ASIC2: variants seen among roughly 807,000 people sequenced by gnomAD.
ASIC2 encodes acid-sensing ion channel 2.
In ASIC2, 25 loss-of-function variants were observed where a neutral mutation model predicts 57.3. The observed-to-expected ratio is 0.44, with a 90% CI of 0.32 to 0.61. The LOEUF (loss-of-function observed/expected upper bound fraction) is 0.61. ASIC2 is among the 20% of genes least tolerant of loss of function. The probability of loss-of-function intolerance (pLI) is 0.06; values close to 1 mark genes in which losing one functional copy is unlikely to be tolerated. For synonymous variants in ASIC2, 319 were observed against 307.5 expected, an observed-to-expected ratio of 1.04 and a Z score of -0.39; for missense variants, 641 against 738.1, an observed-to-expected ratio of 0.87 and a Z score of 1.52.
chr17:33,531,769 G>C (rs1915058742), intron 1 of ASIC2, among the ~76,000 whole-genome samples: 1 of 152,038 alleles, frequency 6.6e-6, no homozygotes, highest in Non-Finnish European at 1.5e-5. Context: ...ATCACCTGGG[G>C]GGTGCCCATA....
chr17:33,734,201 C>G (rs34488033), intron 1 of ASIC2, among the ~76,000 whole-genome samples: 10,261 of 151,940 alleles, frequency 0.068, 343 homozygotes, highest in Middle Eastern at 0.086. Flanking sequence ...CCGTGTGAGG[C>G]CAGCCCTTCC....
intron 1 of ASIC2, among the ~76,000 whole-genome samples, chr17:33,954,278 T>A (rs1017260798): frequency 1.3e-5 from 2 of 152,090 alleles, no homozygotes; most frequent in African/African-American, 2.4e-5. Flanking sequence ...TGCAGCAGAA[T>A]GTGGAAAGTT....
Position 34,014,360 on chromosome 17 carries a change from G to C in ASIC2, c.555+141618C>G, listed in dbSNP as rs181431929. ...CCGGAGCCTGTGCTCTAACCATTATGCCACTCTTCCTCCCTCATCTGGCAG... is the reference window on the plus strand; with the variant it reads ...CCGGAGCCTGTGCTCTAACCATTATCCCACTCTTCCTCCCTCATCTGGCAG... On this transcript the variant is annotated intron_variant, in intron 1 of 9. Transcript: ENST00000359872. Among the ~76,000 whole-genome samples the C allele has an allele frequency of 1.2e-3, 181 of 152,300 alleles. 2 individuals carry two copies. The East Asian group carries it at 0.029, about 25-fold the overall frequency.
chr17:33,118,942 C>T (rs768624815), intron 1 of ASIC2, among the ~76,000 whole-genome samples: 4 of 152,080 alleles, frequency 2.6e-5, no homozygotes, highest in Non-Finnish European at 4.4e-5. Flanking sequence ...TGGGGTATTC[C>T]GCCTTACAGA....
intron 1 of ASIC2, among the ~76,000 whole-genome samples, chr17:33,704,624 G>A (rs1908808913): frequency 6.6e-6 from 1 of 152,192 alleles, no homozygotes; most frequent in Non-Finnish European, 1.5e-5. Context: ...AAGAACCAAG[G>A]TATCACAACA....
chr17:33,776,403 G>T (rs761685988), intron 1 of ASIC2, among the ~76,000 whole-genome samples: 4 of 152,206 alleles, frequency 2.6e-5, no homozygotes, highest in Non-Finnish European at 4.4e-5. Context: ...AACTCTGCTG[G>T]CATCTTGGTC....
At position 34,096,524 on chromosome 17, in the gene ASIC2, A is replaced by G. The variant is rs150442106; in HGVS notation, c.555+59454T>C. On this transcript the variant is annotated intron_variant, in intron 1 of 9. Coordinates refer to the ASIC2 transcript ENST00000359872. ...GAGATGATGCCATGATTTTAGTGTT[A>G]TGGAAAAATCCCATTGATCATAGTG... is the stretch of plus-strand genomic sequence containing the variant. Among the ~76,000 whole-genome samples, 12 of 152,250 alleles carry G rather than the reference A, an allele frequency of 7.9e-5. 1 individual carries two copies. The highest frequency in any genetic ancestry group is 3.4e-3 in the Middle Eastern group (1 of 294).
intron 1 of ASIC2, among the ~76,000 whole-genome samples, chr17:33,444,178 T>C (rs1224034624): frequency 6.6e-6 from 1 of 152,222 alleles, no homozygotes; most frequent in Non-Finnish European, 1.5e-5. Flanking sequence ...TTTATAGTTG[T>C]TTCAGAGAAA....
rs538822273 is a variant in ASIC2 at position 33,901,263 on chromosome 17, A to T, written c.555+254715T>A. 4.6e-5 allele frequency among the ~76,000 whole-genome samples: 7 copies of T among 152,252 alleles called. No homozygotes were observed. The South Asian group carries it at 1.5e-3, about 32-fold the overall frequency. ...CCCTCCTAACTTCTGGGATTGTAGT[A>T]GCAGCAGTGGCCACAGCAGGTTCTG... On this transcript the variant is annotated intron_variant, in intron 1 of 9. Transcript: ENST00000359872.
chr17:33,224,697 T>C (rs1478305001), intron 1 of ASIC2, among the ~76,000 whole-genome samples: 1 of 152,178 alleles, frequency 6.6e-6, no homozygotes, highest in African/African-American at 2.4e-5. Flanking sequence ...CTTGTTCCAT[T>C]TAATCCTCAT....
intron 1 of ASIC2, among the ~76,000 whole-genome samples, chr17:33,801,459 T>C (rs1418917784): frequency 6.6e-6 from 1 of 152,178 alleles, no homozygotes; most frequent in African/African-American, 2.4e-5. Flanking sequence ...TGACACTTTT[T>C]ATGACATTTA....
chr17:33,984,009 A>C (rs317370), intron 1 of ASIC2, among the ~76,000 whole-genome samples: 142,042 of 152,250 alleles, frequency 0.93, 66,454 homozygotes, highest in Non-Finnish European at 0.97. Flanking sequence ...TGTTGTCACT[A>C]GTTCTGGTTT....
At chr17:33,583,154 C>T (rs1904497479) in intron 1 of ASIC2, among the ~76,000 whole-genome samples, 1 of 152,200 alleles carries the variant, frequency 6.6e-6, no homozygotes, top group Non-Finnish European at 1.5e-5. Context: ...GGAGAGGAAG[C>T]TATTAGTTTT....
chr17:33,506,337 C>T (rs894297368), intron 1 of ASIC2, among the ~76,000 whole-genome samples: 7 of 150,738 alleles, frequency 4.6e-5, no homozygotes, highest in Non-Finnish European at 1.0e-4. Flanking sequence ...GGTGTGAACC[C>T]GGGAGGCGGA....
intron 1 of ASIC2, among the ~76,000 whole-genome samples, chr17:33,929,874 T>C (rs1040435126): frequency 2.0e-5 from 3 of 152,216 alleles, no homozygotes; most frequent in East Asian, 1.9e-4. Flanking sequence ...AATATCAGAA[T>C]TGAAAAGGTG....
At chr17:33,578,671 T>TC (rs1054833977) in intron 1 of ASIC2, among the ~76,000 whole-genome samples, 9 of 151,884 alleles carry the variant, frequency 5.9e-5, no homozygotes, top group African/African-American at 2.2e-4. Context: ...TTTACTTCAC[T>TC]CCCCCCTCCT....
intron 9 of ASIC2, 73 bp from the exon 10 acceptor site, chr17:33,014,139 G>T: frequency 8.1e-7 from 1 of 1,228,078 alleles, no homozygotes; most frequent in Non-Finnish European, 1.2e-6. Flanking sequence ...CAGCGGCCCA[G>T]CCTAGGCCCT....
chr17:33,144,939 T>A (rs1010039845), intron 1 of ASIC2, among the ~76,000 whole-genome samples: 10 of 152,204 alleles, frequency 6.6e-5, no homozygotes, highest in Non-Finnish European at 1.2e-4. Context: ...TCCATGACAA[T>A]CAAGGTTGTC....
chr17:33,283,051 C>T (rs150730785), intron 1 of ASIC2, among the ~76,000 whole-genome samples: 1 of 152,356 alleles, frequency 6.6e-6, no homozygotes, highest in Non-Finnish European at 1.5e-5. Flanking sequence ...GTTTGACTGA[C>T]ACCCCAGCTA....
Sources: gnomAD v4.1 joint callset for allele counts (sites outside exome capture counted in the v4.1 genomes callset) on GRCh38, gnomAD v4.1.1 for gene constraint, MANE v1.5 for transcripts, NCBI Gene and HGNC (gene_info 2026-07-23, HGNC 2026-07-21) for gene names.